SMAP1: variants seen among roughly 807,000 people sequenced by gnomAD.
SMAP1 encodes the protein small ArfGAP 1, also known as stromal membrane-associated protein 1.
Under a neutral mutation model 58.5 loss-of-function variants are expected in SMAP1, and 24 were observed. That is an observed-to-expected ratio of 0.41 (90% CI 0.30 to 0.58). SMAP1 has a LOEUF of 0.58. Ranked by LOEUF, SMAP1 falls within the 20% of genes least tolerant of loss-of-function variation. SMAP1 has a pLI of 0.29. For synonymous variants in SMAP1, 216 were observed against 196.6 expected, an observed-to-expected ratio of 1.10 and a Z score of -0.82; for missense variants, 563 against 566.3, an observed-to-expected ratio of 0.99 and a Z score of 0.06.
At chr6:70,677,558 A>G (rs1181883276) in intron 1 of SMAP1, among the ~76,000 whole-genome samples, 1 of 146,718 alleles carries the variant, frequency 6.8e-6, no homozygotes, top group African/African-American at 2.5e-5. Context: ...AGCTGGTACT[A>G]CAGGCGCCCG....
intron 1 of SMAP1, chr6:70,668,624 C>T (rs901252166): frequency 6.5e-7 from 1 of 1,534,916 alleles, no homozygotes; most frequent in Non-Finnish European, 8.7e-7. Context: ...TTCTTGGTCT[C>T]CTAGATGGAG....
intron 5 of SMAP1, among the ~76,000 whole-genome samples, chr6:70,793,727 A>T (rs1251525722): frequency 2.0e-5 from 3 of 151,086 alleles, no homozygotes; most frequent in African/African-American, 7.3e-5. Flanking sequence ...TTATTTATTT[A>T]TTTATTTTTT....
At chr6:70,859,974 T>A in intron 10 of SMAP1, 1 of 405,078 alleles carries the variant, frequency 2.5e-6, no homozygotes, top group Non-Finnish European at 4.2e-6. Context: ...TATTTTTTTT[T>A]AAGTAAGTTG....
At chr6:70,804,620 T>G (rs867948960) in intron 6 of SMAP1, among the ~76,000 whole-genome samples, 3 of 152,340 alleles carry the variant, frequency 2.0e-5, no homozygotes, top group African/African-American at 7.2e-5. Context: ...GGCCTGTTTT[T>G]GCATTGGCTG....
chr6:70,754,956 A>G (rs1190820643), intron 2 of SMAP1, 24 bp from the exon 3 acceptor site: 6 of 1,539,750 alleles, frequency 3.9e-6, no homozygotes, highest in Non-Finnish European at 3.6e-6. Context: ...TATGTGAGTA[A>G]TTAAAAAATT....
chr6:70,683,953 G>A (rs1766828984), intron 1 of SMAP1, among the ~76,000 whole-genome samples: 1 of 152,200 alleles, frequency 6.6e-6, no homozygotes, highest in Non-Finnish European at 1.5e-5. Context: ...CTTCACAAAA[G>A]ATAGCACCCA....
chr6:70,832,252 C>A (rs1220509412), intron 6 of SMAP1, among the ~76,000 whole-genome samples: 2 of 152,088 alleles, frequency 1.3e-5, no homozygotes, highest in Non-Finnish European at 2.9e-5. Context: ...TGCAGACGCT[C>A]TTTAGCTTAA....
At chr6:70,810,945 T>TAAG (rs1769361403) in intron 6 of SMAP1, among the ~76,000 whole-genome samples, 4 of 152,188 alleles carry the variant, frequency 2.6e-5, no homozygotes, top group Non-Finnish European at 4.4e-5. Context: ...AAGACTCTAC[T>TAAG]TAAAGTTTAT....
At chr6:70,797,893 T>C (rs951069800) in intron 5 of SMAP1, among the ~76,000 whole-genome samples, 1 of 152,144 alleles carries the variant, frequency 6.6e-6, no homozygotes, top group African/African-American at 2.4e-5. Context: ...TTCCTCTAAA[T>C]GCCTTACGAA....
intron 6 of SMAP1, among the ~76,000 whole-genome samples, chr6:70,834,371 C>CA (rs3034191): frequency 0.5 from 68,238 of 136,272 alleles, 16,509 homozygotes; most frequent in South Asian, 0.54. Context: ...TAAAATACAC[C>CA]AAAAAAAAAA....
At chr6:70,739,436 G>A (rs1238812785) in intron 2 of SMAP1, among the ~76,000 whole-genome samples, 3 of 152,094 alleles carry the variant, frequency 2.0e-5, no homozygotes, top group Non-Finnish European at 4.4e-5. Flanking sequence ...TTGTATAGAT[G>A]TATCAATTTT....
At chr6:70,720,473 C>T (rs993872665) in intron 1 of SMAP1, among the ~76,000 whole-genome samples, 1 of 152,138 alleles carries the variant, frequency 6.6e-6, no homozygotes, top group South Asian at 2.1e-4. Flanking sequence ...AGGATGGTGG[C>T]CCTCTTCTCA....
chr6:70,807,707 G>C (rs1386865418), intron 6 of SMAP1, among the ~76,000 whole-genome samples: 1 of 152,000 alleles, frequency 6.6e-6, no homozygotes, highest in Non-Finnish European at 1.5e-5. Flanking sequence ...TTCTTTGCTG[G>C]GAAAAGAAGT....
intron 6 of SMAP1, among the ~76,000 whole-genome samples, chr6:70,818,747 A>G (rs1237601439): frequency 6.6e-6 from 1 of 152,178 alleles, no homozygotes; most frequent in African/African-American, 2.4e-5. Flanking sequence ...ATATGTATTC[A>G]CTGCTAAAGT....
At chr6:70,802,581 TC>T (rs2149957928) in intron 6 of SMAP1, among the ~76,000 whole-genome samples, 1 of 152,262 alleles carries the variant, frequency 6.6e-6, no homozygotes, top group East Asian at 1.9e-4. Flanking sequence ...CTTGTCTTGT[TC>T]CGGTTTTCAA....
chr6:70,732,137 C>G (rs890751178), intron 1 of SMAP1, among the ~76,000 whole-genome samples: 1 of 151,982 alleles, frequency 6.6e-6, no homozygotes, highest in Non-Finnish European at 1.5e-5. Flanking sequence ...GTTTTAAAAT[C>G]TTAGAGTGGA....
intron 4 of SMAP1, among the ~76,000 whole-genome samples, chr6:70,788,335 G>A (rs924006116): frequency 3.3e-5 from 5 of 149,392 alleles, no homozygotes; most frequent in Non-Finnish European, 7.4e-5. Context: ...AGCATTAGGA[G>A]ATATACCTAA....
intron 10 of SMAP1, 87 bp from the exon 11 acceptor site, chr6:70,860,111 AAT>A: frequency 7.0e-7 from 1 of 1,424,776 alleles, no homozygotes; most frequent in Middle Eastern, 1.9e-4. Flanking sequence ...TTGTCACATT[AAT>A]GAAAAAATGA....
intron 5 of SMAP1, among the ~76,000 whole-genome samples, chr6:70,797,274 G>A (rs573501283): frequency 6.6e-6 from 1 of 152,118 alleles, no homozygotes; most frequent in South Asian, 2.1e-4. Context: ...TTTATAGTTT[G>A]CAAAGTTGCT....
Sources: allele counts gnomAD v4.1 joint callset (sites outside exome capture counted in the v4.1 genomes callset), GRCh38; gene constraint gnomAD v4.1.1; transcripts MANE v1.5; gene names NCBI Gene and HGNC (gene_info 2026-07-23, HGNC 2026-07-21).